Variants in KCNIP4 observed in about 807,000 individuals in gnomAD.
KCNIP4 encodes Kv channel-interacting protein 4.
In KCNIP4, 12 loss-of-function variants were observed where a neutral mutation model predicts 34.0. That is an observed-to-expected ratio of 0.35 (90% confidence interval 0.23 to 0.57). The LOEUF (loss-of-function observed/expected upper bound fraction) is 0.57, where lower values mean the gene tolerates loss of function less well. KCNIP4 is among the 20% of genes least tolerant of loss of function. The pLI is 0.83. For synonymous variants in KCNIP4, 124 were observed against 102.2 expected, an observed-to-expected ratio of 1.21 and a Z score of -1.29; for missense variants, 238 against 311.7, an observed-to-expected ratio of 0.76 and a Z score of 1.78.
intron 1 of KCNIP4, among the ~76,000 whole-genome samples, chr4:21,792,362 A>G (rs1577995919): frequency 1.3e-5 from 2 of 152,304 alleles, no homozygotes; most frequent in Admixed American, 6.5e-5. Flanking sequence ...TGTGATGTTA[A>G]TTTTTATATT....
At chr4:21,841,776 TG>T (rs1723701114) in intron 1 of KCNIP4, among the ~76,000 whole-genome samples, 1 of 152,162 alleles carries the variant, frequency 6.6e-6, no homozygotes. Context: ...AAATTAGCTC[TG>T]AAAAAAACAA....
chr4:21,697,419 G>T (rs1262670898), intron 1 of KCNIP4: 25 of 1,558,080 alleles, frequency 1.6e-5, no homozygotes, highest in East Asian at 7.2e-5. Context: ...CGTTTACACC[G>T]CTTTCTACAG....
intron 1 of KCNIP4, among the ~76,000 whole-genome samples, chr4:21,550,967 C>T (rs1388177080): frequency 3.9e-5 from 6 of 151,990 alleles, no homozygotes; most frequent in South Asian, 2.1e-4. Context: ...GGGTCACTTA[C>T]GGTCACTCAT....
At chr4:21,505,673 AG>A (rs1733786011) in intron 1 of KCNIP4, among the ~76,000 whole-genome samples, 1 of 152,176 alleles carries the variant, frequency 6.6e-6, no homozygotes, top group Non-Finnish European at 1.5e-5. Flanking sequence ...AGCACTCAAA[AG>A]GCAAATCATG....
intron 1 of KCNIP4, among the ~76,000 whole-genome samples, chr4:21,195,496 G>C (rs1048022274): frequency 6.6e-6 from 1 of 152,132 alleles, no homozygotes. Context: ...TGTGAGCCCA[G>C]GTAGCTCAGA....
chr4:20,823,060 C>T (rs1717303365), intron 3 of KCNIP4, among the ~76,000 whole-genome samples: 1 of 152,142 alleles, frequency 6.6e-6, no homozygotes, highest in African/African-American at 2.4e-5. Flanking sequence ...TTCAACTTCC[C>T]AGCCTCTAGA....
At chr4:21,524,122 C>G in intron 1 of KCNIP4, among the ~76,000 whole-genome samples, 1 of 152,008 alleles carries the variant, frequency 6.6e-6, no homozygotes, top group East Asian at 1.9e-4. Flanking sequence ...ATAGACATAT[C>G]TGGGTGGTAG....
At chr4:21,520,553 G>C (rs903161787) in intron 1 of KCNIP4, among the ~76,000 whole-genome samples, 1 of 152,092 alleles carries the variant, frequency 6.6e-6, no homozygotes, top group Non-Finnish European at 1.5e-5. Context: ...ATTCACAGAA[G>C]CGTTATTTTC....
intron 1 of KCNIP4, among the ~76,000 whole-genome samples, chr4:21,037,997 C>T (rs536476503): frequency 1.3e-5 from 2 of 152,018 alleles, no homozygotes; most frequent in East Asian, 3.9e-4. Context: ...TTTTGTTTTT[C>T]CTTTGAGACG....
Position 20,850,616 on chromosome 4 carries a change from G to T in KCNIP4, c.215C>A (p.Ala72Asp). 6.2e-6 allele frequency: 10 copies of T among 1,612,786 alleles called. No homozygotes were observed. Among genetic ancestry groups the T allele is most frequent in the Non-Finnish European group, 8.5e-6 (10 of 1,179,688 alleles). ...GCTCTGGGCTTCCAGAAGCTCAAGG[G>T]CTTCAGGCCGATGCCTGACGGTGGC... Reference protein sequence around the residue: ...EMATVRHRPEALELLEAQSKF... With the variant: ...EMATVRHRPEDLELLEAQSKF... Residue 72 changes from alanine (A) to aspartate (D), a missense_variant, in exon 3 of 9, where the codon GCC becomes GAC. Ala to Asp is a moderately radical substitution (Grantham distance 126). Transcript: ENST00000382152.
chr4:21,624,712 T>C (rs545363125), intron 1 of KCNIP4, among the ~76,000 whole-genome samples: 2 of 152,208 alleles, frequency 1.3e-5, no homozygotes, highest in African/African-American at 4.8e-5. Context: ...AGGTAAAATA[T>C]AAAATCTGAA....
At chr4:21,756,315 G>C (rs1259714579) in intron 1 of KCNIP4, among the ~76,000 whole-genome samples, 1 of 152,112 alleles carries the variant, frequency 6.6e-6, no homozygotes, top group Non-Finnish European at 1.5e-5. Flanking sequence ...CACCACTTTG[G>C]GAGGCTGAGG....
intron 2 of KCNIP4, among the ~76,000 whole-genome samples, chr4:20,852,783 G>A (rs183576593): frequency 6.6e-6 from 1 of 152,202 alleles, no homozygotes; most frequent in East Asian, 1.9e-4. Flanking sequence ...TGAAGTTTCT[G>A]GACAGAAAAT....
intron 1 of KCNIP4, among the ~76,000 whole-genome samples, chr4:21,166,008 G>T (rs1276280218): frequency 6.6e-6 from 1 of 152,106 alleles, no homozygotes; most frequent in Non-Finnish European, 1.5e-5. Flanking sequence ...GCACCATCTT[G>T]GAAGCAGAAA....
Position 21,763,335 on chromosome 4 carries a change from AAC to A in KCNIP4, c.61+185234_61+185235del, listed in dbSNP as rs564654007. ...TTATATACATAGAGACAAAACGGGC[AAC>A]TAGCTTAGCCTAGTTATAACTAACA... is the stretch of plus-strand genomic sequence containing the variant. On this transcript the variant is annotated intron_variant, in intron 1 of 8. Transcript: ENST00000382152. Among the ~76,000 whole-genome samples, 279 of 152,324 alleles carry A rather than the reference AAC, an allele frequency of 1.8e-3. 1 individual carries two copies. The highest frequency in any genetic ancestry group is 4.3e-3 in the Admixed American group (66 of 15,292).
chr4:21,049,290 C>A (rs867317578), intron 1 of KCNIP4, among the ~76,000 whole-genome samples: 5 of 152,110 alleles, frequency 3.3e-5, no homozygotes, highest in Non-Finnish European at 5.9e-5. Flanking sequence ...ACAGACATTG[C>A]AGAGCAGAGA....
At chr4:21,234,697 G>C (rs1298346156) in intron 1 of KCNIP4, among the ~76,000 whole-genome samples, 1 of 150,006 alleles carries the variant, frequency 6.7e-6, no homozygotes, top group Non-Finnish European at 1.5e-5. Context: ...ACCCAGGCTG[G>C]AGTACAGTGG....
intron 1 of KCNIP4, among the ~76,000 whole-genome samples, chr4:21,467,521 C>G (rs1462573952): frequency 6.6e-6 from 1 of 152,038 alleles, no homozygotes; most frequent in Non-Finnish European, 1.5e-5. Context: ...GAACCGGCCT[C>G]AAAACCAAGG....
intron 1 of KCNIP4, among the ~76,000 whole-genome samples, chr4:21,913,858 T>A (rs1728480833): frequency 6.6e-6 from 1 of 152,066 alleles, no homozygotes; most frequent in African/African-American, 2.4e-5. Context: ...GGGGAGGGAA[T>A]GAAGACTTCT....
Sources: gnomAD v4.1 joint callset for allele counts (sites outside exome capture counted in the v4.1 genomes callset) on GRCh38, gnomAD v4.1.1 for gene constraint, MANE v1.5 for transcripts, NCBI Gene and HGNC (gene_info 2026-07-23, HGNC 2026-07-21) for gene names.